Variants in CNTN5 observed in about 807,000 individuals in gnomAD.
The protein encoded by CNTN5 is contactin 5, also known as contactin-5.
CNTN5 carries 77 observed loss-of-function variants against 129.1 expected under a neutral mutation model. The ratio of observed to expected loss-of-function variants is 0.60; its 90% CI spans 0.50 to 0.72. CNTN5 has a LOEUF of 0.72. CNTN5 is among the 30% of genes least tolerant of loss of function. The pLI is 0.00. For missense variants in CNTN5, 1,478 were observed against 1,328.8 expected (o/e 1.11, Z -1.75); for synonymous variants, 509 against 465.6 (o/e 1.09, Z -1.20).
At chr11:99,705,516 G>T (rs1057486896) in intron 3 of CNTN5, among the ~76,000 whole-genome samples, 2 of 151,386 alleles carry the variant, frequency 1.3e-5, no homozygotes, top group South Asian at 2.1e-4. Context: ...TTCTGTACTT[G>T]GTTGGTTATT....
chr11:99,362,881 C>G (rs917350333), intron 2 of CNTN5, among the ~76,000 whole-genome samples: 4 of 150,820 alleles, frequency 2.7e-5, no homozygotes, highest in African/African-American at 9.7e-5. Context: ...TTCTGTAGGT[C>G]TGTACTTAGG....
chr11:99,594,460 A>G (rs998739218), intron 3 of CNTN5, among the ~76,000 whole-genome samples: 3 of 152,166 alleles, frequency 2.0e-5, no homozygotes, highest in Non-Finnish European at 4.4e-5. Context: ...TGTAAGCTCA[A>G]TTCATAGCAT....
At chr11:99,745,998 A>G (rs1944044164) in intron 3 of CNTN5, among the ~76,000 whole-genome samples, 1 of 152,202 alleles carries the variant, frequency 6.6e-6, no homozygotes. Context: ...TTACCAAAAA[A>G]GTAACACTAA....
chr11:100,196,319 A>C (rs147287583), intron 15 of CNTN5, among the ~76,000 whole-genome samples: 1 of 102,788 alleles, frequency 9.7e-6, no homozygotes, highest in Non-Finnish European at 2.4e-5. Flanking sequence ...GGAAAAAGAG[A>C]TAACAATATT....
At chr11:100,055,526 CACTCCTAAAG>C (rs1251319176) in intron 9 of CNTN5, among the ~76,000 whole-genome samples, 1 of 151,310 alleles carries the variant, frequency 6.6e-6, no homozygotes, top group Non-Finnish European at 1.5e-5. Flanking sequence ...TCTCCTTTTT[CACTCCTAAAG>C]AAAAATTTAC....
At chr11:99,828,792 ATGT>A (rs1172027706) in intron 4 of CNTN5, among the ~76,000 whole-genome samples, 2 of 152,160 alleles carry the variant, frequency 1.3e-5, no homozygotes, top group East Asian at 3.9e-4. Flanking sequence ...TTCAGTGGTC[ATGT>A]TGATGATGTA....
intron 3 of CNTN5, among the ~76,000 whole-genome samples, chr11:99,697,313 G>C (rs79801787): frequency 2.0e-5 from 3 of 150,734 alleles, no homozygotes; most frequent in Non-Finnish European, 2.9e-5. Context: ...GAGAAAAAGA[G>C]GGGGAGAGAG....
intron 2 of CNTN5, among the ~76,000 whole-genome samples, chr11:99,380,235 C>T (rs182894063): frequency 6.6e-6 from 1 of 152,088 alleles, no homozygotes; most frequent in African/African-American, 2.4e-5. Flanking sequence ...GATGTTTATA[C>T]TTTTTTTCAG....
At chr11:99,555,804 A>G (rs1011878836) in intron 2 of CNTN5, among the ~76,000 whole-genome samples, 1 of 151,894 alleles carries the variant, frequency 6.6e-6, no homozygotes, top group Non-Finnish European at 1.5e-5. Context: ...CTATTTTTCT[A>G]GTCCAATAAT....
At chr11:99,224,981 G>T (rs554349535) in intron 1 of CNTN5, among the ~76,000 whole-genome samples, 1 of 152,112 alleles carries the variant, frequency 6.6e-6, no homozygotes, top group Non-Finnish European at 1.5e-5. Flanking sequence ...ACTAGCAGTA[G>T]CTTTTCCAAA....
chr11:99,827,587 G>A (rs1947004706), intron 4 of CNTN5, among the ~76,000 whole-genome samples: 1 of 152,156 alleles, frequency 6.6e-6, no homozygotes, highest in African/African-American at 2.4e-5. Flanking sequence ...GCAGCATATA[G>A]TGATAACACA....
intron 2 of CNTN5, among the ~76,000 whole-genome samples, chr11:99,541,568 A>G (rs1275535141): frequency 2.0e-5 from 3 of 152,132 alleles, no homozygotes; most frequent in Admixed American, 6.6e-5. Context: ...AAAAGGAGGA[A>G]GATACAAGAT....
chr11:100,204,075 C>T (rs1343188013), intron 15 of CNTN5, among the ~76,000 whole-genome samples: 4 of 151,242 alleles, frequency 2.6e-5, no homozygotes, highest in African/African-American at 9.7e-5. Context: ...CCACCAGGAT[C>T]TATGCTGCTT....
intron 1 of CNTN5, among the ~76,000 whole-genome samples, chr11:99,032,052 T>G (rs1418580164): frequency 6.6e-6 from 1 of 151,968 alleles, no homozygotes; most frequent in Admixed American, 6.6e-5. Flanking sequence ...TTACTGAGAA[T>G]GATGACTTCC....
intron 1 of CNTN5, among the ~76,000 whole-genome samples, chr11:99,240,434 G>T (rs749687133): frequency 8.5e-5 from 13 of 152,104 alleles, no homozygotes; most frequent in Non-Finnish European, 1.6e-4. Context: ...CGTCCAAGCT[G>T]CTCTTGGCCA....
At chr11:100,001,505 T>G (rs181961080) in intron 8 of CNTN5, among the ~76,000 whole-genome samples, 1 of 152,352 alleles carries the variant, frequency 6.6e-6, no homozygotes. Flanking sequence ...TACAGTAATT[T>G]GATAGATAGC....
intron 2 of CNTN5, among the ~76,000 whole-genome samples, chr11:99,484,705 A>T (rs1945740664): frequency 6.6e-6 from 1 of 152,224 alleles, no homozygotes; most frequent in African/African-American, 2.4e-5. Flanking sequence ...CTAGTCAGCT[A>T]CAAAAAAAAA....
At chr11:99,073,357 TGTCTCTTTATG>T (rs1865416842) in intron 1 of CNTN5, among the ~76,000 whole-genome samples, 1 of 150,744 alleles carries the variant, frequency 6.6e-6, no homozygotes, top group Non-Finnish European at 1.5e-5. Context: ...TTGACTGGTA[TGTCTCTTTATG>T]GTTTGGTTTT....
At chr11:99,046,286 GC>G (rs567319778) in intron 1 of CNTN5, among the ~76,000 whole-genome samples, 84 of 152,232 alleles carry the variant, frequency 5.5e-4, no homozygotes, top group Admixed American at 5.4e-3. Flanking sequence ...GTTGCGGTGA[GC>G]CAAGATTGAG....
Sources: gnomAD v4.1 joint callset for allele counts (sites outside exome capture counted in the v4.1 genomes callset) on GRCh38, gnomAD v4.1.1 for gene constraint, MANE v1.5 for transcripts, NCBI Gene and HGNC (gene_info 2026-07-23, HGNC 2026-07-21) for gene names.